The following TXNRD3 variants were observed in gnomAD, a reference collection of about 807,000 sequenced individuals.
TXNRD3 encodes thioredoxin reductase 3.
In TXNRD3, 68 loss-of-function variants were observed where a neutral mutation model predicts 78.2. The observed-to-expected ratio is 0.87, with a 90% CI of 0.72 to 1.06. The LOEUF (loss-of-function observed/expected upper bound fraction) is 1.06, where lower values mean the gene tolerates loss of function less well. Ranked by LOEUF, TXNRD3 falls within the 50% of genes least tolerant of loss-of-function variation. The pLI is 0.00. For synonymous variants in TXNRD3, 296 were observed against 300.1 expected, an observed-to-expected ratio of 0.99 and a Z score of 0.14; for missense variants, 751 against 809.5, an observed-to-expected ratio of 0.93 and a Z score of 0.88.
chr3:126,634,176 T>TA (rs1256540659), intron 6 of TXNRD3, 125 bp from the exon 7 acceptor site: 1 of 821,066 alleles, frequency 1.2e-6, no homozygotes, highest in African/African-American at 1.8e-5. Context: ...ATCAGTAACT[T>TA]AAATATTTTG....
At chr3:126,615,101 A>G (rs1938287355) in intron 13 of TXNRD3, among the ~76,000 whole-genome samples, 1 of 152,206 alleles carries the variant, frequency 6.6e-6, no homozygotes, top group Admixed American at 6.5e-5. Flanking sequence ...AAGTTTGCTC[A>G]AATAGATTTT....
intron 12 of TXNRD3, among the ~76,000 whole-genome samples, chr3:126,616,748 A>C (rs1038811273): frequency 1.3e-5 from 2 of 152,126 alleles, no homozygotes; most frequent in Non-Finnish European, 2.9e-5. Context: ...GTGAGCTTCT[A>C]TTCTTTGTTA....
At chr3:126,638,890 G>GC (rs2107623142) in intron 6 of TXNRD3, among the ~76,000 whole-genome samples, 1 of 152,358 alleles carries the variant, frequency 6.6e-6, no homozygotes, top group South Asian at 2.1e-4. Flanking sequence ...GGCAGGGAGT[G>GC]CAGCAAAGCA....
At chr3:126,647,326 C>T in intron 1 of TXNRD3, 30 bp from the exon 2 acceptor site, 1 of 1,464,362 alleles carries the variant, frequency 6.8e-7, no homozygotes, top group Non-Finnish European at 9.2e-7. Flanking sequence ...AAGTTTCACT[C>T]TCAGAAAAGA....
chr3:126,619,657 G>C (rs1057490253), intron 12 of TXNRD3, among the ~76,000 whole-genome samples: 1 of 152,124 alleles, frequency 6.6e-6, no homozygotes, highest in African/African-American at 2.4e-5. Flanking sequence ...GCACTGTAGG[G>C]TGAACATAAT....
chr3:126,653,979 A>G (rs992304249), intron 1 of TXNRD3, among the ~76,000 whole-genome samples: 1 of 152,178 alleles, frequency 6.6e-6, no homozygotes, highest in African/African-American at 2.4e-5. Flanking sequence ...AAACAGGCCA[A>G]AAGGAACCAA....
intron 12 of TXNRD3, among the ~76,000 whole-genome samples, chr3:126,620,990 C>T (rs1363833488): frequency 6.6e-6 from 1 of 152,168 alleles, no homozygotes; most frequent in Non-Finnish European, 1.5e-5. Context: ...CCTAACAGAG[C>T]TGAGCAGTAC....
At chr3:126,619,375 C>T (rs1164026777) in intron 12 of TXNRD3, among the ~76,000 whole-genome samples, 1 of 151,990 alleles carries the variant, frequency 6.6e-6, no homozygotes, top group Admixed American at 6.6e-5. Context: ...TACTATTCAG[C>T]CATAAAGAAG....
intron 6 of TXNRD3, among the ~76,000 whole-genome samples, chr3:126,640,745 G>A (rs1014166153): frequency 2.0e-5 from 3 of 151,936 alleles, no homozygotes; most frequent in African/African-American, 7.3e-5. Context: ...CCAGACTTCA[G>A]TCTTTGCTCA....
In TXNRD3 at chr3:126,647,574, C is replaced by T. The variant is rs73859564; in HGVS notation, c.244-278G>A. Among the ~76,000 whole-genome samples the T allele has an allele frequency of 5.0e-3, 756 of 152,288 alleles. 6 individuals carry two copies. Among genetic ancestry groups the T allele is most frequent in the African/African-American group, 0.017 (708 of 41,560 alleles). ...TTTTCTGAACTCAAATAGGCAGTAT[C>T]TATTTTCCACCTGCGTGTCCCACAG... On this transcript the variant is annotated intron_variant, in intron 1 of 15. Transcript: ENST00000524230.
chr3:126,639,403 A>G (rs1932998547), intron 6 of TXNRD3, among the ~76,000 whole-genome samples: 1 of 151,988 alleles, frequency 6.6e-6, no homozygotes, highest in African/African-American at 2.4e-5. Context: ...TCTGTTTTCT[A>G]TGCTTTTCAT....
At chr3:126,633,405 T>C (rs2107620029) in intron 7 of TXNRD3, among the ~76,000 whole-genome samples, 1 of 152,328 alleles carries the variant, frequency 6.6e-6, no homozygotes, top group Admixed American at 6.5e-5. Context: ...ATTGTCATAA[T>C]TCCAATTAAA....
At chr3:126,610,926 C>G in intron 14 of TXNRD3, 111 bp downstream of exon 14, 1 of 602,812 alleles carries the variant, frequency 1.7e-6, no homozygotes. Context: ...CCAGCCTGAG[C>G]AACATGGCAA....
intron 10 of TXNRD3, among the ~76,000 whole-genome samples, chr3:126,627,765 T>C (rs946568017): frequency 6.6e-6 from 1 of 152,198 alleles, no homozygotes; most frequent in Non-Finnish European, 1.5e-5. Context: ...TATAGACAGT[T>C]GCATCAGTAA....
chr3:126,651,293 C>T (rs1933383263), intron 1 of TXNRD3, among the ~76,000 whole-genome samples: 1 of 152,238 alleles, frequency 6.6e-6, no homozygotes, highest in East Asian at 1.9e-4. Flanking sequence ...CAAGCAGAAG[C>T]AAGGTTCTTA....
intron 1 of TXNRD3, among the ~76,000 whole-genome samples, chr3:126,652,208 C>A (rs1933408137): frequency 6.6e-6 from 1 of 152,158 alleles, no homozygotes; most frequent in Non-Finnish European, 1.5e-5. Flanking sequence ...CAGCACTTCA[C>A]ATGGCCAGGG....
chr3:126,627,498 C>G (rs1300911984), intron 10 of TXNRD3, among the ~76,000 whole-genome samples: 1 of 152,200 alleles, frequency 6.6e-6, no homozygotes, highest in Non-Finnish European at 1.5e-5. Flanking sequence ...TCTGTCAAAA[C>G]TGACTGAACT....
chr3:126,645,032 A>C (rs1485670089), intron 3 of TXNRD3, among the ~76,000 whole-genome samples: 3 of 152,196 alleles, frequency 2.0e-5, no homozygotes, highest in African/African-American at 7.2e-5. Context: ...TCTTTATGCC[A>C]AGTCAGTTGC....
intron 11 of TXNRD3, among the ~76,000 whole-genome samples, chr3:126,622,145 C>T (rs752225144): frequency 2.0e-5 from 3 of 152,194 alleles, no homozygotes; most frequent in African/African-American, 7.2e-5. Context: ...ACTGCCTCCA[C>T]AGACTCACTT....
Sources: allele counts gnomAD v4.1 joint callset (sites outside exome capture counted in the v4.1 genomes callset), GRCh38; gene constraint gnomAD v4.1.1; transcripts MANE v1.5; gene names NCBI Gene and HGNC (gene_info 2026-07-23, HGNC 2026-07-21).